B3GALT1: variants seen among roughly 807,000 people sequenced by gnomAD.
The protein encoded by B3GALT1 is beta-1,3-galactosyltransferase 1, also known as UDP-Gal:betaGlcNAc beta 1,3-galactosyltransferase, polypeptide 1.
B3GALT1 carries 10 observed loss-of-function variants against 23.2 expected under a neutral mutation model. That is an observed-to-expected ratio of 0.43 (90% confidence interval 0.27 to 0.73). The LOEUF (loss-of-function observed/expected upper bound fraction) is 0.73. B3GALT1 is among the 30% of genes least tolerant of loss of function. The probability of loss-of-function intolerance (pLI) is 0.21; values close to 1 mark genes in which losing one functional copy is unlikely to be tolerated. For missense variants in B3GALT1, 299 were observed against 405.4 expected (o/e 0.74, Z 2.25); for synonymous variants, 156 against 141.5 (o/e 1.10, Z -0.73).
intron 4 of B3GALT1, among the ~76,000 whole-genome samples, chr2:167,821,351 A>G (rs972735519): frequency 6.6e-6 from 1 of 151,938 alleles, no homozygotes; most frequent in Non-Finnish European, 1.5e-5. Flanking sequence ...GCAGAAAGCA[A>G]ATTGCACGAT....
chr2:167,624,383 G>C (rs980283487), intron 2 of B3GALT1, among the ~76,000 whole-genome samples: 11 of 152,058 alleles, frequency 7.2e-5, no homozygotes, highest in Non-Finnish European at 2.9e-5. Context: ...GCATGGTGAA[G>C]AACAGGAAAG....
chr2:167,486,416 A>G (rs1259625767), intron 1 of B3GALT1, among the ~76,000 whole-genome samples: 1 of 151,154 alleles, frequency 6.6e-6, no homozygotes, highest in African/African-American at 2.4e-5. Flanking sequence ...ACTAAATACC[A>G]CATTTCCTTT....
At chr2:167,802,143 G>A (rs1688648592) in intron 3 of B3GALT1, among the ~76,000 whole-genome samples, 1 of 152,208 alleles carries the variant, frequency 6.6e-6, no homozygotes. Context: ...CACACTACAA[G>A]TGATATTGAG....
At chr2:167,629,593 C>A (rs749873673) in intron 2 of B3GALT1, among the ~76,000 whole-genome samples, 10 of 151,638 alleles carry the variant, frequency 6.6e-5, no homozygotes, top group Non-Finnish European at 1.3e-4. Flanking sequence ...AACCTCTGAA[C>A]CATTGTTTTA....
At chr2:167,500,243 G>C (rs925756364) in intron 2 of B3GALT1, among the ~76,000 whole-genome samples, 1 of 152,114 alleles carries the variant, frequency 6.6e-6, no homozygotes, top group Non-Finnish European at 1.5e-5. Flanking sequence ...TTGAAAACCA[G>C]ATGGGCTTAT....
At chr2:167,549,531 C>A (rs1683708272) in intron 2 of B3GALT1, among the ~76,000 whole-genome samples, 1 of 152,176 alleles carries the variant, frequency 6.6e-6, no homozygotes, top group Non-Finnish European at 1.5e-5. Context: ...TCATTGCTTT[C>A]CCTTCCTATG....
intron 3 of B3GALT1, among the ~76,000 whole-genome samples, chr2:167,733,067 TC>T (rs1198440483): frequency 6.6e-6 from 1 of 152,192 alleles, no homozygotes; most frequent in African/African-American, 2.4e-5. Context: ...AATCTAACCA[TC>T]GGGGGTTTAT....
intron 2 of B3GALT1, among the ~76,000 whole-genome samples, chr2:167,542,561 A>T (rs1446803803): frequency 2.6e-5 from 4 of 152,128 alleles, no homozygotes; most frequent in Admixed American, 1.3e-4. Context: ...ATGAGATATA[A>T]ATTCAGCAGA....
chr2:167,480,900 C>T (rs978097828), intron 1 of B3GALT1, among the ~76,000 whole-genome samples: 2 of 152,168 alleles, frequency 1.3e-5, no homozygotes, highest in Non-Finnish European at 2.9e-5. Context: ...TTCACTTTCC[C>T]TATCTCTCCT....
In B3GALT1 at chr2:167,443,450, A is replaced by C. The variant is rs200099277; in HGVS notation, c.-510-46727A>C. Among the ~76,000 whole-genome samples, 112 of 152,306 alleles carry C rather than the reference A, an allele frequency of 7.4e-4. 1 individual carries two copies. The East Asian group carries it at 0.018, about 24-fold the overall frequency. On this transcript the variant is annotated intron_variant, in intron 1 of 4. Coordinates refer to ENST00000392690, the MANE Select transcript of B3GALT1 (RefSeq NM_020981.4). ...GCTTGATGGGAATGGCATTGAATCT[A>C]TAAATTACCTTGGGCAGTATGGCCA...
intron 1 of B3GALT1, among the ~76,000 whole-genome samples, chr2:167,390,981 A>G (rs868377038): frequency 1.3e-5 from 2 of 152,214 alleles, no homozygotes; most frequent in South Asian, 4.1e-4. Flanking sequence ...ATAAGGGAGA[A>G]TAAGACAGGT....
At chr2:167,344,864 A>G (rs1315093367) in intron 1 of B3GALT1, among the ~76,000 whole-genome samples, 2 of 152,166 alleles carry the variant, frequency 1.3e-5, no homozygotes, top group South Asian at 2.1e-4. Context: ...AATCTGCTTA[A>G]TTTTCTTCCA....
At position 167,553,055 on chromosome 2, in the gene B3GALT1, A is replaced by T. The variant is rs867441022; in HGVS notation, c.-410+62778A>T. On this transcript the variant is annotated intron_variant, in intron 2 of 4. Coordinates refer to ENST00000392690, the MANE Select transcript of B3GALT1 (RefSeq NM_020981.4). ...TGATTATATAATCAAAATGTCATCA[A>T]ATATTTATTGTATCATCATCATTAA... Among the ~76,000 whole-genome samples the T allele has an allele frequency of 2.6e-5, 4 of 152,144 alleles. No homozygotes were observed. The South Asian group carries it at 8.3e-4, about 32-fold the overall frequency.
chr2:167,436,434 GT>G (rs2105310280), intron 1 of B3GALT1, among the ~76,000 whole-genome samples: 1 of 152,150 alleles, frequency 6.6e-6, no homozygotes, highest in Non-Finnish European at 1.5e-5. Context: ...TTATTAAGGG[GT>G]CCTTCCTTAG....
intron 3 of B3GALT1, among the ~76,000 whole-genome samples, chr2:167,808,623 C>G (rs1221842584): frequency 6.6e-6 from 1 of 151,672 alleles, no homozygotes; most frequent in Non-Finnish European, 1.5e-5. Flanking sequence ...CCACTCTCTT[C>G]TGGCTTGTAG....
At position 167,569,380 on chromosome 2, in the gene B3GALT1, A is replaced by T. The variant is rs1163387610; in HGVS notation, c.-409-77529A>T. ...TTCTCCTTAGATATTTTTATTAGAG[A>T]TTTTTAGATTTCCTCATATGGATCT... On this transcript the variant is annotated intron_variant, in intron 2 of 4. Coordinates refer to ENST00000392690, the MANE Select transcript of B3GALT1 (RefSeq NM_020981.4). Among the ~76,000 whole-genome samples, 8 of 151,894 alleles carry T rather than the reference A, an allele frequency of 5.3e-5. No individual in the cohort carries two copies. The East Asian group carries it at 1.4e-3, about 26-fold the overall frequency.
At chr2:167,568,986 G>C (rs1200404573) in intron 2 of B3GALT1, among the ~76,000 whole-genome samples, 1 of 151,898 alleles carries the variant, frequency 6.6e-6, no homozygotes, top group African/African-American at 2.4e-5. Context: ...GACCATCATT[G>C]TTCCATTTGT....
chr2:167,544,747 C>A lies in B3GALT1; in HGVS notation c.-410+54470C>A, dbSNP rs183152653. 3.0e-3 allele frequency among the ~76,000 whole-genome samples: 452 copies of A among 152,266 alleles called. 3 individuals are homozygous for A. Among genetic ancestry groups the A allele is most frequent in the African/African-American group, 0.01 (432 of 41,554 alleles). On this transcript the variant is annotated intron_variant, in intron 2 of 4. Coordinates refer to ENST00000392690, the MANE Select transcript of B3GALT1 (RefSeq NM_020981.4). ...CCAACTCCGCCGACGTTGTCTGACA[C>A]CAACCTGCAGCTAGTTGTCAAACAG... is the stretch of plus-strand genomic sequence containing the variant.
rs74512598 is a variant in B3GALT1, at chr2:167,863,423, T to C, written c.-229-5388T>C. ...AATACCATCTGCCTGGACAGAACCC[T>C]TTCCCCGGAAGCTCAGATGATTTGG... is the stretch of plus-strand genomic sequence containing the variant. On this transcript the variant is annotated intron_variant, in intron 4 of 4. Coordinates refer to ENST00000392690, the MANE Select transcript of B3GALT1 (RefSeq NM_020981.4). 9.4e-3 allele frequency among the ~76,000 whole-genome samples: 1,437 copies of C among 152,306 alleles called. 19 individuals carry two copies. Among genetic ancestry groups the C allele is most frequent in the African/African-American group, 0.033 (1,351 of 41,548 alleles).
Sources: allele counts gnomAD v4.1 joint callset (sites outside exome capture counted in the v4.1 genomes callset), GRCh38; gene constraint gnomAD v4.1.1; transcripts MANE v1.5; gene names NCBI Gene and HGNC (gene_info 2026-07-23, HGNC 2026-07-21).